NBPF3: variants seen among roughly 807,000 people sequenced by gnomAD.
The protein encoded by NBPF3 is NBPF member 3, also known as NBPF family member NBPF3.
In NBPF3, 57 loss-of-function variants were observed where a neutral mutation model predicts 78.1. The ratio of observed to expected loss-of-function variants is 0.73; its 90% CI spans 0.59 to 0.91. The LOEUF (loss-of-function observed/expected upper bound fraction) is 0.91. Ranked by LOEUF, NBPF3 falls within the 40% of genes least tolerant of loss-of-function variation. NBPF3 has a pLI of 0.00. For synonymous variants in NBPF3, 182 were observed against 271.7 expected, an observed-to-expected ratio of 0.67 and a Z score of 3.25; for missense variants, 510 against 715.3, an observed-to-expected ratio of 0.71 and a Z score of 3.27.
intron 2 of NBPF3, chr1:21,468,349 C>G: frequency 1.7e-6 from 2 of 1,207,200 alleles, no homozygotes; most frequent in South Asian, 4.0e-5. Flanking sequence ...GACGAGGGTG[C>G]CTGTGTTTCA....
chr1:21,461,348 C>T (rs1470852200), intron 2 of NBPF3, among the ~76,000 whole-genome samples: 1 of 126,606 alleles, frequency 7.9e-6, no homozygotes, highest in Non-Finnish European at 1.8e-5. Flanking sequence ...GATAATCATA[C>T]AAACAATAGG....
Position 21,460,272 on chromosome 1 carries a change from G to A in NBPF3, c.134-8416G>A, listed in dbSNP as rs1376277377. On this transcript the variant is annotated intron_variant, in intron 2 of 14. Transcript: ENST00000318249. The surrounding 1 kb of genome is among the most constrained non-coding windows in gnomAD (Gnocchi z 4.2). ...AAGTTCTAGGATACTTGTGCACAAC[G>A]TGCAGGTTTGTTACATAGGTGTACA... 6.6e-6 allele frequency among the ~76,000 whole-genome samples: 1 copy of A among 152,164 alleles called. No homozygotes were observed. Among genetic ancestry groups the A allele is most frequent in the Non-Finnish European group, 1.5e-5 (1 of 68,044 alleles).
chr1:21,457,351 T>C (rs1641664312), intron 2 of NBPF3, among the ~76,000 whole-genome samples: 1 of 137,566 alleles, frequency 7.3e-6, no homozygotes, highest in Non-Finnish European at 1.6e-5. Flanking sequence ...TGTGTGTGTA[T>C]ATATATATAT....
intron 10 of NBPF3, among the ~76,000 whole-genome samples, 188 bp downstream of exon 10, chr1:21,479,588 ATT>A (rs749473588): frequency 1.6e-4 from 24 of 152,070 alleles, no homozygotes; most frequent in Non-Finnish European, 2.8e-4. Flanking sequence ...TATCCTTCTC[ATT>A]TACTAACCTA....
chr1:21,472,821 A>C, intron 5 of NBPF3, 22 bp from the exon 6 acceptor site: 1 of 1,577,052 alleles, frequency 6.3e-7, no homozygotes, highest in African/African-American at 1.3e-5. Flanking sequence ...AAATATCTGA[A>C]TGAACACTTC....
chr1:21,447,586 G>GT (rs1486228952), intron 2 of NBPF3, among the ~76,000 whole-genome samples: 1 of 152,102 alleles, frequency 6.6e-6, no homozygotes, highest in East Asian at 1.9e-4. Context: ...TTGATAGCTT[G>GT]TTTTTTAAAA....
intron 2 of NBPF3, chr1:21,467,114 G>T (rs1642314419): frequency 1.0e-6 from 1 of 984,940 alleles, no homozygotes; most frequent in East Asian, 1.1e-4. Context: ...AGAATGTCAG[G>T]TCTCCCAGAT....
chr1:21,465,004 C>CAAAA (rs10531760), intron 2 of NBPF3, among the ~76,000 whole-genome samples: 1 of 99,272 alleles, frequency 1.0e-5, no homozygotes, highest in African/African-American at 4.2e-5. Flanking sequence ...GACCCTGTCT[C>CAAAA]AAAAAAAAAA....
At chr1:21,437,024 G>GGGGTGCTTGGGCAGCTGGGGGT (rs567349562), upstream of NBPF3, among the ~76,000 whole-genome samples, 5 of 152,268 alleles carry the variant, frequency 3.3e-5, no homozygotes, top group East Asian at 1.9e-4. Context: ...CCCAGAAGTG[G>GGGGTGCTTGGGCAGCTGGGGGT]GGGTGCTTGG....
intron 2 of NBPF3, among the ~76,000 whole-genome samples, chr1:21,464,698 A>G (rs1290270434): frequency 6.7e-6 from 1 of 150,268 alleles, no homozygotes; most frequent in African/African-American, 2.4e-5. Flanking sequence ...TTTCATTAAA[A>G]AAAAAAAAGA....
chr1:21,468,406 A>AC, intron 2 of NBPF3: 1 of 1,328,614 alleles, frequency 7.5e-7, no homozygotes, highest in South Asian at 1.7e-5. Context: ...ATTCCATGAC[A>AC]CCCCCACCTT....
At chr1:21,479,848 G>GTGTGTGTGTGTGTGTATGTGTA (rs746655034) in intron 10 of NBPF3, among the ~76,000 whole-genome samples, 1 of 121,784 alleles carries the variant, frequency 8.2e-6, no homozygotes, top group Non-Finnish European at 1.8e-5. Context: ...GTGTGTGTGT[G>GTGTGTGTGTGTGTGTATGTGTA]TGTGTATGTG....
intron 8 of NBPF3, among the ~76,000 whole-genome samples, chr1:21,477,197 T>C (rs1314014712): frequency 6.6e-6 from 1 of 152,212 alleles, no homozygotes; most frequent in Non-Finnish European, 1.5e-5. Flanking sequence ...TTCAAGGTTT[T>C]TAGCTTCCTT....
chr1:21,478,355 G>C, intron 9 of NBPF3, 48 bp downstream of exon 9: 1 of 1,594,984 alleles, frequency 6.3e-7, no homozygotes, highest in Non-Finnish European at 8.6e-7. Context: ...CATGTCCCAG[G>C]TAGACCCCAT....
intron 10 of NBPF3, among the ~76,000 whole-genome samples, chr1:21,479,820 C>CTGTGTG (rs59451117): frequency 0.031 from 3,237 of 102,908 alleles, 122 homozygotes; most frequent in Non-Finnish European, 0.047. Context: ...CTCTCTCTCT[C>CTGTGTG]TGTGTGTGTG....
At chr1:21,438,068 C>A (rs1640459652), upstream of NBPF3, among the ~76,000 whole-genome samples, 1 of 151,924 alleles carries the variant, frequency 6.6e-6, no homozygotes, top group African/African-American at 2.4e-5. Flanking sequence ...GATCCTCCCG[C>A]CTGGGCCTTC....
At chr1:21,436,995 G>A (rs1371666057), upstream of NBPF3, among the ~76,000 whole-genome samples, 2 of 152,180 alleles carry the variant, frequency 1.3e-5, no homozygotes, top group Non-Finnish European at 2.9e-5. The surrounding 1 kb of genome is among the most constrained non-coding windows in gnomAD (Gnocchi z 4.3). Context: ...GTGGCCGAGA[G>A]CTCTGTGGTG....
upstream of NBPF3, chr1:21,437,425 G>C: frequency 7.9e-7 from 1 of 1,268,598 alleles, no homozygotes; most frequent in Non-Finnish European, 1.1e-6. Flanking sequence ...TAGGCCTAGA[G>C]GAACAGATGT....
Position 21,472,853 on chromosome 1 carries a change from CGATGAGGAT to C in NBPF3, c.675_683del (p.Asp225_Asp227del), listed in dbSNP as rs750916948. ...CTTCTGTATTTACAGAAAATGATGA[CGATGAGGAT>C]GAAGATGTTAAAGTTGAGGAGGCTG... On this transcript the variant is annotated inframe_deletion, in exon 6 of 15. Transcript: ENST00000318249. The C allele has an allele frequency of 6.2e-7, 1 of 1,610,198 alleles. No homozygotes were observed. Among genetic ancestry groups the C allele is most frequent in the South Asian group, 1.1e-5 (1 of 90,980 alleles).
Sources: allele counts gnomAD v4.1 joint callset (sites outside exome capture counted in the v4.1 genomes callset), GRCh38; gene constraint gnomAD v4.1.1; non-coding constraint Gnocchi (gnomAD v3.1); transcripts MANE v1.5; gene names NCBI Gene and HGNC (gene_info 2026-07-23, HGNC 2026-07-21).